Variants in PCDHGA10 observed in about 807,000 individuals in gnomAD.
PCDHGA10 encodes protocadherin gamma-A10.
A neutral mutation model predicts 59.5 loss-of-function variants in PCDHGA10; 42 were observed. That is an observed-to-expected ratio of 0.71 (90% confidence interval 0.55 to 0.91). PCDHGA10 has a LOEUF of 0.91. Among genes scored for constraint, PCDHGA10 ranks in the 40% least tolerant of loss-of-function variants. PCDHGA10 has a pLI of 0.00. For synonymous variants in PCDHGA10, 511 were observed against 517.2 expected (o/e 0.99, Z 0.16); for missense variants, 1,111 against 1,198.2 (o/e 0.93, Z 1.07).
intron 1 of PCDHGA10, among the ~76,000 whole-genome samples, chr5:141,456,955 T>A (rs1352654794): frequency 2.6e-5 from 4 of 151,974 alleles, no homozygotes; most frequent in African/African-American, 7.3e-5. Flanking sequence ...AGAGCAAAAC[T>A]CCATCTCAAA....
At position 141,489,369 on chromosome 5, in the gene PCDHGA10, G is replaced by A. The variant is rs371328808; in HGVS notation, c.2437-5438G>A. The A allele has an allele frequency of 4.5e-5, 73 of 1,613,474 alleles. No individual in the cohort carries two copies. Among genetic ancestry groups the A allele is most frequent in the African/African-American group, 4.1e-4 (31 of 74,894 alleles). ...TGGTGGAGGAGTCTGAGCCGGGGACGCTGGTGGGGAATGTTGCTCAGGATC... is the reference window on the plus strand; with the variant it reads ...TGGTGGAGGAGTCTGAGCCGGGGACACTGGTGGGGAATGTTGCTCAGGATC... On this transcript the variant is annotated intron_variant, in intron 1 of 3. Transcript: ENST00000398610. This position sits in a 1 kb window ranked among gnomAD's most constrained non-coding sequence, Gnocchi z 4.5.
At chr5:141,438,063 A>G (rs540817874) in intron 1 of PCDHGA10, among the ~76,000 whole-genome samples, 11 of 152,224 alleles carry the variant, frequency 7.2e-5, no homozygotes, top group Non-Finnish European at 1.5e-4. Context: ...CTTTTAAGAA[A>G]CCATACTTAA....
At chr5:141,454,666 A>G (rs1561955978) in intron 1 of PCDHGA10, among the ~76,000 whole-genome samples, 1 of 152,104 alleles carries the variant, frequency 6.6e-6, no homozygotes, top group Non-Finnish European at 1.5e-5. Context: ...TCGGCCTCCC[A>G]AAACACTGGG....
chr5:141,417,851 G>T (rs1196210157), intron 1 of PCDHGA10: 1 of 1,543,508 alleles, frequency 6.5e-7, no homozygotes. Flanking sequence ...GCGAGAACCC[G>T]AGCGAACGAT....
chr5:141,502,402 A>T (rs1317862793), intron 2 of PCDHGA10, among the ~76,000 whole-genome samples: 1 of 151,976 alleles, frequency 6.6e-6, no homozygotes, highest in Admixed American at 6.6e-5. Flanking sequence ...AATGTCCCCG[A>T]ACCTGGATTT....
At chr5:141,470,942 C>T (rs1156728317) in intron 1 of PCDHGA10, among the ~76,000 whole-genome samples, 1 of 152,020 alleles carries the variant, frequency 6.6e-6, no homozygotes, top group Non-Finnish European at 1.5e-5. Context: ...GTCTCAAATT[C>T]CTGGCCTCAA....
At chr5:141,452,251 ACT>A (rs899414988) in intron 1 of PCDHGA10, among the ~76,000 whole-genome samples, 29 of 152,204 alleles carry the variant, frequency 1.9e-4, no homozygotes, top group African/African-American at 6.7e-4. Flanking sequence ...TTTTGCCATA[ACT>A]CTCTCATTTT....
At chr5:141,465,141 A>AT (rs1341872532) in intron 1 of PCDHGA10, among the ~76,000 whole-genome samples, 2 of 151,678 alleles carry the variant, frequency 1.3e-5, no homozygotes, top group Non-Finnish European at 2.9e-5. Flanking sequence ...AGTTTAGGGG[A>AT]TATATGAAGG....
intron 1 of PCDHGA10, 106 bp from the exon 2 acceptor site, chr5:141,494,701 C>T: frequency 6.3e-7 from 1 of 1,594,596 alleles, no homozygotes; most frequent in Admixed American, 1.7e-5. Flanking sequence ...CCGTTTTCTT[C>T]TCTGTGCCCA....
Position 141,414,677 on chromosome 5 carries a change from A to AG in PCDHGA10, c.1507dup (p.Val503GlyfsTer25). ...TACTCCCTGGCTGAAGACACCATCC[A>AG]GGGGGTACCTCTGTCCTCATACATA... is the stretch of plus-strand genomic sequence containing the variant. On this transcript the variant is annotated frameshift_variant, in exon 1 of 4. Coordinates refer to ENST00000398610, the MANE Select transcript of PCDHGA10 (RefSeq NM_018913.3). LOFTEE classifies it high-confidence loss of function. 3 of 1,613,794 alleles carry AG rather than the reference A, an allele frequency of 1.9e-6. No homozygotes were observed. The highest frequency in any genetic ancestry group is 2.2e-5 in the South Asian group (2 of 91,064).
At position 141,431,735 on chromosome 5, in the gene PCDHGA10, G is replaced by A. The variant is rs2097411908; in HGVS notation, c.2436+16124G>A. 1.2e-6 allele frequency: 2 copies of A among 1,614,118 alleles called. No homozygotes were observed. Among genetic ancestry groups the A allele is most frequent in the Non-Finnish European group, 1.7e-6 (2 of 1,180,056 alleles). On this transcript the variant is annotated intron_variant, in intron 1 of 3. Transcript: ENST00000398610. The surrounding 1 kb of genome is among the most constrained non-coding windows in gnomAD (Gnocchi z 4.8). ...GGAAGTGCAAGCAATGGATAATGCAGGATATTCTGCGCGAGCCAAAGTCCT... is the reference window on the plus strand; with the variant it reads ...GGAAGTGCAAGCAATGGATAATGCAAGATATTCTGCGCGAGCCAAAGTCCT...
Position 141,489,510 on chromosome 5 carries a change from T to A in PCDHGA10, c.2437-5297T>A, listed in dbSNP as rs762210983. 1 of 1,614,124 alleles carries A rather than the reference T, an allele frequency of 6.2e-7. No individual in the cohort carries two copies. The highest frequency in any genetic ancestry group is 1.7e-5 in the Admixed American group (1 of 60,022). On this transcript the variant is annotated intron_variant, in intron 1 of 3. Transcript: ENST00000398610. This position sits in a 1 kb window ranked among gnomAD's most constrained non-coding sequence, Gnocchi z 4.5. Reference sequence around the variant, plus strand: ...GTGCCCTGGCAGTGAATCAAAAGATTGACCGAGAAAGCCTATGTGGAGCCA... The same window carrying A: ...GTGCCCTGGCAGTGAATCAAAAGATAGACCGAGAAAGCCTATGTGGAGCCA...
intron 1 of PCDHGA10, among the ~76,000 whole-genome samples, chr5:141,462,650 TC>T (rs1254671361): frequency 7.3e-6 from 1 of 137,262 alleles, no homozygotes; most frequent in African/African-American, 3.0e-5. Context: ...ATTTCCATCC[TC>T]AATTATCTTC....
intron 1 of PCDHGA10, among the ~76,000 whole-genome samples, chr5:141,481,103 C>G (rs190529217): frequency 2.6e-4 from 39 of 152,252 alleles, no homozygotes; most frequent in Non-Finnish European, 3.4e-4. Context: ...TACTCTGGAA[C>G]CTACCAATCC....
At chr5:141,421,030 G>C (rs989158485) in intron 1 of PCDHGA10, 2 of 532,352 alleles carry the variant, frequency 3.8e-6, no homozygotes, top group African/African-American at 3.9e-5. Context: ...GCGCCATTGA[G>C]TCCCTCCCTC....
At chr5:141,507,171 C>T (rs183042063) in intron 3 of PCDHGA10, 3 of 152,462 alleles carry the variant, frequency 2.0e-5, no homozygotes, top group South Asian at 2.1e-4. Context: ...AGGCTGTCCT[C>T]TTCCTCGAGC....
intron 1 of PCDHGA10, chr5:141,416,261 A>G (rs2096009073): frequency 6.6e-6 from 1 of 152,294 alleles, no homozygotes; most frequent in Non-Finnish European, 1.5e-5. Flanking sequence ...ACACTGCAGT[A>G]TCCTTTTTGC....
chr5:141,435,603 T>C (rs1195458514), intron 1 of PCDHGA10, among the ~76,000 whole-genome samples: 1 of 152,218 alleles, frequency 6.6e-6, no homozygotes, highest in African/African-American at 2.4e-5. Flanking sequence ...GCCTGCTTTT[T>C]ACATTAAATT....
chr5:141,499,682 C>T, intron 2 of PCDHGA10, among the ~76,000 whole-genome samples: 1 of 148,196 alleles, frequency 6.7e-6, no homozygotes, highest in South Asian at 2.1e-4. Flanking sequence ...CCATCTTTAA[C>T]AGATGACTTT....
Sources: allele counts gnomAD v4.1 joint callset (sites outside exome capture counted in the v4.1 genomes callset), GRCh38; gene constraint gnomAD v4.1.1; non-coding constraint Gnocchi (gnomAD v3.1); transcripts MANE v1.5; gene names NCBI Gene and HGNC (gene_info 2026-07-23, HGNC 2026-07-21).